Variants in EMP2 observed in about 807,000 individuals in gnomAD.
The protein encoded by EMP2 is epithelial membrane protein 2.
In EMP2, 19 loss-of-function variants were observed where a neutral mutation model predicts 13.7. The ratio of observed to expected loss-of-function variants is 1.38; its 90% CI spans 0.97 to 2.03. The LOEUF (loss-of-function observed/expected upper bound fraction) is 2.03. EMP2 is among the 30% of genes most tolerant of loss of function. The probability of loss-of-function intolerance (pLI) is 0.00; values close to 1 mark genes in which losing one functional copy is unlikely to be tolerated. For missense variants in EMP2, 253 were observed against 220.7 expected (o/e 1.15, Z -0.93); for synonymous variants, 97 against 84.7 (o/e 1.15, Z -0.80).
Position 10,538,095 on chromosome 16 carries a change from C to T in EMP2, c.170-21G>A, listed in dbSNP as rs201850848. ...GTACTCTGCGGGAAAAGGGCAGGGGCGCAGGACTGAGGACCTTGGCCAGCC... is the reference window on the plus strand; with the variant it reads ...GTACTCTGCGGGAAAAGGGCAGGGGTGCAGGACTGAGGACCTTGGCCAGCC... On this transcript the variant is annotated intron_variant, in intron 3 of 4. Coordinates refer to ENST00000359543, the MANE Select transcript of EMP2 (RefSeq NM_001424.6). The T allele has an allele frequency of 5.0e-5, 81 of 1,611,162 alleles. No individual in the cohort carries two copies. In the East Asian group the frequency reaches 8.9e-4, roughly 18 times the overall value.
intron 1 of EMP2, among the ~76,000 whole-genome samples, chr16:10,579,300 G>C (rs143574037): frequency 6.6e-6 from 1 of 152,074 alleles, no homozygotes; most frequent in South Asian, 2.1e-4. Context: ...ATAATGTGTC[G>C]GTTCTTAGAT....
intron 2 of EMP2, 96 bp downstream of exon 2, chr16:10,547,443 AT>A (rs2050748011): frequency 1.6e-6 from 2 of 1,283,680 alleles, no homozygotes; most frequent in Admixed American, 2.1e-5. Context: ...AGTCTCTGGT[AT>A]GCCTTTATCA....
chr16:10,564,982 A>C (rs939178875), intron 1 of EMP2, among the ~76,000 whole-genome samples: 1 of 152,228 alleles, frequency 6.6e-6, no homozygotes, highest in African/African-American at 2.4e-5. Context: ...AAAAATAAAC[A>C]CAATGAAAAC....
At chr16:10,567,556 A>G (rs533253342) in intron 1 of EMP2, among the ~76,000 whole-genome samples, 1 of 152,318 alleles carries the variant, frequency 6.6e-6, no homozygotes, top group Admixed American at 6.5e-5. Context: ...CATTCGTTCC[A>G]CAGCCCAGGG....
Position 10,567,494 on chromosome 16 carries a change from G to A in EMP2, c.-61+13055C>T, listed in dbSNP as rs527302792. Among the ~76,000 whole-genome samples, 7 of 152,324 alleles carry A rather than the reference G, an allele frequency of 4.6e-5. 1 individual carries two copies. Among genetic ancestry groups the A allele is most frequent in the African/African-American group, 1.7e-4 (7 of 41,570 alleles). On this transcript the variant is annotated intron_variant, in intron 1 of 4. Coordinates refer to ENST00000359543, the MANE Select transcript of EMP2 (RefSeq NM_001424.6). ...CACAATGAGGATGCTTGGGGCAGGG[G>A]GAGCAGGGGCTTAGACCAGGCTCTG...
At chr16:10,566,046 G>A (rs1474119082) in intron 1 of EMP2, among the ~76,000 whole-genome samples, 1 of 152,158 alleles carries the variant, frequency 6.6e-6, no homozygotes, top group Non-Finnish European at 1.5e-5. Flanking sequence ...GCCTCTGCCT[G>A]GATTATTTTT....
At chr16:10,568,394 C>G (rs1368692277) in intron 1 of EMP2, among the ~76,000 whole-genome samples, 2 of 152,120 alleles carry the variant, frequency 1.3e-5, no homozygotes, top group Non-Finnish European at 2.9e-5. Flanking sequence ...TATATATTTA[C>G]ATGTGTATTC....
chr16:10,571,118 G>A (rs554264060), intron 1 of EMP2, among the ~76,000 whole-genome samples: 6 of 151,948 alleles, frequency 3.9e-5, no homozygotes, highest in African/African-American at 1.4e-4. Context: ...TTAGCTGGGC[G>A]TGGTGGTGTG....
At chr16:10,537,222 G>A (rs1055649093) in intron 4 of EMP2, among the ~76,000 whole-genome samples, 1 of 152,170 alleles carries the variant, frequency 6.6e-6, no homozygotes, top group Non-Finnish European at 1.5e-5. Context: ...AAATGATCAT[G>A]GTGTGGCTTC....
At chr16:10,570,788 G>T (rs1216794771) in intron 1 of EMP2, among the ~76,000 whole-genome samples, 1 of 151,930 alleles carries the variant, frequency 6.6e-6, no homozygotes, top group Non-Finnish European at 1.5e-5. Flanking sequence ...CGATCCTCCT[G>T]CCTCGGCCTT....
chr16:10,555,156 G>C (rs1039714378), intron 1 of EMP2, among the ~76,000 whole-genome samples: 1 of 152,082 alleles, frequency 6.6e-6, no homozygotes, highest in African/African-American at 2.4e-5. Context: ...ACAAGGTCAG[G>C]ACTAGACCAG....
In EMP2 at chr16:10,556,360, G is replaced by A. The variant is rs373454658; in HGVS notation, c.-60-8683C>T. On this transcript the variant is annotated intron_variant, in intron 1 of 4. Coordinates refer to ENST00000359543, the MANE Select transcript of EMP2 (RefSeq NM_001424.6). ...TGTATGGTTTTGGTTACAAGCCTGC[G>A]GTTGGCCTGATTCTTTGCAGTGCAC... Among the ~76,000 whole-genome samples, 39 of 152,256 alleles carry A rather than the reference G, an allele frequency of 2.6e-4. 2 individuals are homozygous for A. The highest frequency in any genetic ancestry group is 1.4e-3 in the Admixed American group (22 of 15,288).
rs767064978 is a variant in EMP2 at position 10,528,790 on chromosome 16, C to G, written c.*4115G>C. On this transcript the variant is annotated 3_prime_UTR_variant, in exon 5 of 5. Coordinates refer to ENST00000359543, the MANE Select transcript of EMP2 (RefSeq NM_001424.6). ...TTGTAAGTAACCTTTAAACTATTAG[C>G]GAGTTTAGTAACATCCCGCGAGGCA... 1 of 152,162 alleles carries G rather than the reference C, an allele frequency of 6.6e-6. No individual in the cohort carries two copies. Among genetic ancestry groups the G allele is most frequent in the Non-Finnish European group, 1.5e-5 (1 of 68,042 alleles). The allele number at this position is 152,162 out of a possible 1,614,324, so 9.4% of individuals were successfully genotyped here.
At chr16:10,579,181 C>A (rs1390848744) in intron 1 of EMP2, among the ~76,000 whole-genome samples, 1 of 152,134 alleles carries the variant, frequency 6.6e-6, no homozygotes, top group Non-Finnish European at 1.5e-5. Context: ...CAGCTCAGGT[C>A]GCCATCCTTC....
chr16:10,565,783 G>T (rs1183096016), intron 1 of EMP2, among the ~76,000 whole-genome samples: 1 of 152,140 alleles, frequency 6.6e-6, no homozygotes, highest in Non-Finnish European at 1.5e-5. Flanking sequence ...AACCCATTCC[G>T]ATGCACTTGG....
At chr16:10,575,347 G>A (rs371076315) in intron 1 of EMP2, among the ~76,000 whole-genome samples, 7 of 138,404 alleles carry the variant, frequency 5.1e-5, no homozygotes, top group African/African-American at 1.1e-4. Context: ...TCCGCCTCCC[G>A]GGTTCACGCC....
intron 1 of EMP2, among the ~76,000 whole-genome samples, chr16:10,570,439 C>T (rs1254366957): frequency 2.0e-5 from 3 of 152,108 alleles, no homozygotes; most frequent in Non-Finnish European, 4.4e-5. Flanking sequence ...CCCCGTCACC[C>T]AGAGCTTGAA....
At chr16:10,540,887 A>G (rs1251097416) in intron 3 of EMP2, among the ~76,000 whole-genome samples, 1 of 152,138 alleles carries the variant, frequency 6.6e-6, no homozygotes, top group African/African-American at 2.4e-5. Context: ...CAGGAGTTCA[A>G]GACCAGCATG....
intron 1 of EMP2, among the ~76,000 whole-genome samples, chr16:10,575,840 C>G (rs974141349): frequency 6.6e-6 from 1 of 151,974 alleles, no homozygotes; most frequent in Non-Finnish European, 1.5e-5. Flanking sequence ...TGAAGGGACT[C>G]CCCTGGAAGC....
Sources: gnomAD v4.1 joint callset for allele counts (sites outside exome capture counted in the v4.1 genomes callset) on GRCh38, gnomAD v4.1.1 for gene constraint, MANE v1.5 for transcripts, NCBI Gene and HGNC (gene_info 2026-07-23, HGNC 2026-07-21) for gene names.